The following CLTCL1 variants were observed in gnomAD, a reference collection of about 807,000 sequenced individuals.
CLTCL1 encodes the protein clathrin heavy chain like 1.
Under a neutral mutation model 190.0 loss-of-function variants are expected in CLTCL1, and 159 were observed. The observed-to-expected ratio is 0.84, with a 90% CI of 0.74 to 0.95. The LOEUF (loss-of-function observed/expected upper bound fraction) is 0.95. Among genes scored for constraint, CLTCL1 ranks in the 40% least tolerant of loss-of-function variants. The pLI, the probability that CLTCL1 is intolerant of heterozygous loss-of-function variation, is 0.00. For missense variants in CLTCL1, 1,878 were observed against 2,033.4 expected (o/e 0.92, Z 1.47); for synonymous variants, 752 against 769.6 (o/e 0.98, Z 0.38).
intron 22 of CLTCL1, among the ~76,000 whole-genome samples, chr22:19,202,422 C>A: frequency 6.6e-6 from 1 of 151,884 alleles, no homozygotes; most frequent in Non-Finnish European, 1.5e-5. Flanking sequence ...CGGCACCTCC[C>A]GCACCACCCC....
chr22:19,289,834 G>C (rs1555992270), intron 1 of CLTCL1, among the ~76,000 whole-genome samples: 1 of 152,208 alleles, frequency 6.6e-6, no homozygotes, highest in African/African-American at 2.4e-5. Flanking sequence ...ATATAGGTGA[G>C]AAACATCCCA....
At chr22:19,258,152 T>C (rs575504910) in intron 2 of CLTCL1, 2 of 365,334 alleles carry the variant, frequency 5.5e-6, no homozygotes, top group East Asian at 1.3e-4. Context: ...GGAGAAGCTG[T>C]TCTTCATGAA....
chr22:19,222,612 C>G (rs1282987157), intron 15 of CLTCL1, 72 bp downstream of exon 15: 1 of 1,525,602 alleles, frequency 6.6e-7, no homozygotes, highest in Non-Finnish European at 8.9e-7. Context: ...TTACAGGCAG[C>G]CTCTGAGGGG....
intron 22 of CLTCL1, among the ~76,000 whole-genome samples, chr22:19,204,729 G>T (rs1418868877): frequency 6.6e-6 from 1 of 152,238 alleles, no homozygotes; most frequent in Non-Finnish European, 1.5e-5. Context: ...TGAGTTAAAT[G>T]ACATTGTGGA....
chr22:19,262,166 C>T (rs1302061570), intron 2 of CLTCL1, among the ~76,000 whole-genome samples: 1 of 151,884 alleles, frequency 6.6e-6, no homozygotes, highest in Admixed American at 6.6e-5. Context: ...GCTGGGACTA[C>T]AGGAGCGTGC....
chr22:19,244,456 C>T (rs2086355644), intron 3 of CLTCL1, among the ~76,000 whole-genome samples: 1 of 152,044 alleles, frequency 6.6e-6, no homozygotes, highest in Non-Finnish European at 1.5e-5. Context: ...AAGGAGTAAA[C>T]CAGCAGATAA....
In CLTCL1 at chr22:19,224,618, T is replaced by A. The variant is rs542824106; in HGVS notation, c.2129-564A>T. ...ACACATCTGAGAAGGCCCCTCCCTG[T>A]CGAGGTCTTTCACTGTAACTGTGAG... On this transcript the variant is annotated intron_variant, in intron 13 of 32. Transcript: ENST00000427926. Among the ~76,000 whole-genome samples the A allele has an allele frequency of 4.6e-5, 7 of 152,258 alleles. No individual in the cohort carries two copies. The South Asian group carries it at 1.5e-3, about 32-fold the overall frequency.
At chr22:19,281,386 C>T (rs1601734431) in intron 1 of CLTCL1, among the ~76,000 whole-genome samples, 1 of 151,362 alleles carries the variant, frequency 6.6e-6, no homozygotes, top group Non-Finnish European at 1.5e-5. Flanking sequence ...CTAAAATATA[C>T]ACCTAAAAAT....
intron 2 of CLTCL1, chr22:19,258,532 A>T: frequency 1.8e-6 from 1 of 559,222 alleles, no homozygotes; most frequent in Non-Finnish European, 3.4e-6. Flanking sequence ...GAGCAGCTCA[A>T]CAGGGTCCTA....
chr22:19,224,948 G>T (rs1409183682), intron 13 of CLTCL1, among the ~76,000 whole-genome samples: 1 of 152,144 alleles, frequency 6.6e-6, no homozygotes. Context: ...AACTGCCCTA[G>T]AACACTTTTT....
At chr22:19,256,667 ATT>A (rs1160788962) in intron 2 of CLTCL1, among the ~76,000 whole-genome samples, 6 of 137,012 alleles carry the variant, frequency 4.4e-5, no homozygotes, top group Admixed American at 1.5e-4. Flanking sequence ...CTAATTTTTA[ATT>A]TTTTTTTTTT....
intron 1 of CLTCL1, among the ~76,000 whole-genome samples, chr22:19,287,195 A>T (rs1555990583): frequency 6.6e-6 from 1 of 152,156 alleles, no homozygotes; most frequent in African/African-American, 2.4e-5. Flanking sequence ...GAATATTTCT[A>T]AAAAGTTCAA....
intron 11 of CLTCL1, among the ~76,000 whole-genome samples, chr22:19,228,970 CT>C (rs1435061622): frequency 1.3e-5 from 2 of 152,264 alleles, no homozygotes; most frequent in African/African-American, 4.8e-5. Flanking sequence ...ATTGGAACAG[CT>C]GAGCATTGCT....
chr22:19,282,895 G>A (rs1385603723), intron 1 of CLTCL1, among the ~76,000 whole-genome samples: 3 of 145,644 alleles, frequency 2.1e-5, no homozygotes, highest in African/African-American at 7.6e-5. Context: ...TTTAGACAGA[G>A]TCTTACTCTG....
intron 2 of CLTCL1, among the ~76,000 whole-genome samples, chr22:19,267,453 A>G (rs1434524965): frequency 6.6e-6 from 1 of 152,230 alleles, no homozygotes; most frequent in Middle Eastern, 3.2e-3. Context: ...TTCACAAACT[A>G]AACCCAAAAT....
Position 19,210,401 on chromosome 22 carries a change from G to T in CLTCL1, c.3174C>A (p.Ile1058=). 1 of 1,614,028 alleles carries T rather than the reference G, an allele frequency of 6.2e-7. No homozygotes were observed. The highest frequency in any genetic ancestry group is 8.5e-7 in the Non-Finnish European group (1 of 1,179,892). The change falls in exon 20 of 33, where the codon ATC becomes ATA. Residue 1058 remains isoleucine, a synonymous_variant. Coordinates refer to ENST00000427926, the MANE Select transcript of CLTCL1 (RefSeq NM_007098.4). ...DNYDALDIAS[I]AVSSALYEEA... is the part of the protein sequence containing the mutation. ...CCTCATACAGTGCGCTGCTGACAGC[G>T]ATGCTCGCGATGTCCAGTGCGTCAT...
chr22:19,261,602 G>T (rs2086951741), intron 2 of CLTCL1, among the ~76,000 whole-genome samples: 1 of 152,160 alleles, frequency 6.6e-6, no homozygotes, highest in Non-Finnish European at 1.5e-5. Flanking sequence ...CAACCCTCAT[G>T]AATGACTTTG....
At chr22:19,252,964 A>G (rs1010745355) in intron 3 of CLTCL1, among the ~76,000 whole-genome samples, 20 of 148,904 alleles carry the variant, frequency 1.3e-4, no homozygotes, top group African/African-American at 4.9e-4. Flanking sequence ...CAGTGAGCCG[A>G]GATCGCGCCA....
chr22:19,234,205 C>A (rs1331405661), intron 7 of CLTCL1, among the ~76,000 whole-genome samples: 1 of 152,324 alleles, frequency 6.6e-6, no homozygotes, highest in South Asian at 2.1e-4. Context: ...GCATATTTGA[C>A]AACCAGGTAG....
Sources: gnomAD v4.1 joint callset for allele counts (sites outside exome capture counted in the v4.1 genomes callset) on GRCh38, gnomAD v4.1.1 for gene constraint, MANE v1.5 for transcripts, NCBI Gene and HGNC (gene_info 2026-07-23, HGNC 2026-07-21) for gene names.